RBFOX1: variants seen among roughly 807,000 people sequenced by gnomAD.
RBFOX1 encodes the protein RNA binding fox-1 homolog 1, also known as RNA binding protein fox-1 homolog 1.
RBFOX1 carries 8 observed loss-of-function variants against 57.7 expected under a neutral mutation model. The observed-to-expected ratio is 0.14, with a 90% confidence interval of 0.08 to 0.25. The LOEUF (loss-of-function observed/expected upper bound fraction) is 0.25. Ranked by LOEUF, RBFOX1 falls within the 10% of genes least tolerant of loss-of-function variation. RBFOX1 has a pLI of 1.00. For synonymous variants in RBFOX1, 326 were observed against 222.4 expected (o/e 1.47, Z -4.15); for missense variants, 611 against 548.5 (o/e 1.11, Z -1.14).
intron 2 of RBFOX1, among the ~76,000 whole-genome samples, chr16:6,612,529 C>G (rs953350722): frequency 1.3e-5 from 2 of 152,126 alleles, no homozygotes; most frequent in Non-Finnish European, 2.9e-5. Context: ...TGCCATGAGG[C>G]TAGAGCCATT....
At chr16:7,368,125 G>A (rs546632695) in intron 4 of RBFOX1, among the ~76,000 whole-genome samples, 11 of 152,132 alleles carry the variant, frequency 7.2e-5, no homozygotes, top group Non-Finnish European at 1.0e-4. Context: ...AAATTAGGTG[G>A]ACATGGTGGC....
At chr16:7,444,228 G>A (rs556269031) in intron 4 of RBFOX1, among the ~76,000 whole-genome samples, 1 of 152,324 alleles carries the variant, frequency 6.6e-6, no homozygotes, top group East Asian at 1.9e-4. Context: ...GCTTACATGT[G>A]TAGTTATCTA....
chr16:6,940,735 C>G (rs936665745), intron 3 of RBFOX1, among the ~76,000 whole-genome samples: 43 of 150,324 alleles, frequency 2.9e-4, no homozygotes, highest in African/African-American at 9.3e-4. Context: ...GTAGCTGGGA[C>G]TACAGGCGCC....
chr16:6,100,713 G>A (rs1327680904), intron 1 of RBFOX1, among the ~76,000 whole-genome samples: 1 of 152,106 alleles, frequency 6.6e-6, no homozygotes, highest in Non-Finnish European at 1.5e-5. Flanking sequence ...TATTGTTTCT[G>A]TGTTTTAAAA....
At chr16:7,141,409 T>G (rs1600766547) in intron 4 of RBFOX1, among the ~76,000 whole-genome samples, 1 of 152,308 alleles carries the variant, frequency 6.6e-6, no homozygotes, top group Admixed American at 6.5e-5. Context: ...GGGCGGCAGC[T>G]AGAAGACCTT....
At chr16:6,937,550 G>A (rs976543941) in intron 3 of RBFOX1, among the ~76,000 whole-genome samples, 3 of 152,110 alleles carry the variant, frequency 2.0e-5, no homozygotes, top group Admixed American at 2.0e-4. Context: ...TAGTGGTCAA[G>A]GCACAGCCTA....
intron 1 of RBFOX1, among the ~76,000 whole-genome samples, chr16:5,356,324 G>A (rs561898293): frequency 2.0e-5 from 3 of 152,316 alleles, no homozygotes; most frequent in Admixed American, 1.3e-4. Flanking sequence ...ACTGTGAGCC[G>A]ATACATTTCT....
At chr16:6,258,948 A>G (rs2097685369) in intron 1 of RBFOX1, among the ~76,000 whole-genome samples, 1 of 152,252 alleles carries the variant, frequency 6.6e-6, no homozygotes, top group African/African-American at 2.4e-5. Flanking sequence ...TGAAGAAATG[A>G]ATCAATGCAA....
intron 4 of RBFOX1, among the ~76,000 whole-genome samples, chr16:5,942,995 C>G (rs550632110): frequency 3.1e-4 from 47 of 152,308 alleles, no homozygotes; most frequent in African/African-American, 1.1e-3. Context: ...CAAGCACCCC[C>G]CAAGGGGTCT....
intron 3 of RBFOX1, among the ~76,000 whole-genome samples, chr16:6,900,441 C>T (rs766212699): frequency 3.3e-5 from 5 of 152,212 alleles, no homozygotes; most frequent in Non-Finnish European, 2.9e-5. Flanking sequence ...TGCTCTCCCA[C>T]TTAAAACTGT....
chr16:6,733,661 G>A (rs1327167550), intron 3 of RBFOX1, among the ~76,000 whole-genome samples: 1 of 152,176 alleles, frequency 6.6e-6, no homozygotes, highest in African/African-American at 2.4e-5. Context: ...AGGAGGCTGA[G>A]ATGGGCAGGT....
chr16:6,198,281 T>A (rs1006389139), intron 1 of RBFOX1, among the ~76,000 whole-genome samples: 1 of 152,070 alleles, frequency 6.6e-6, no homozygotes, highest in Non-Finnish European at 1.5e-5. Context: ...AAAAGCTAAT[T>A]TGAGTAGATA....
At chr16:5,999,506 A>G (rs1481385813) in intron 4 of RBFOX1, among the ~76,000 whole-genome samples, 1 of 152,198 alleles carries the variant, frequency 6.6e-6, no homozygotes, top group Non-Finnish European at 1.5e-5. Flanking sequence ...TTACATGCTA[A>G]GGCTTTATAA....
intron 4 of RBFOX1, among the ~76,000 whole-genome samples, chr16:7,179,721 C>G (rs537403940): frequency 6.6e-6 from 1 of 151,618 alleles, no homozygotes; most frequent in East Asian, 1.9e-4. Context: ...AAGAAATTCA[C>G]CATCTTCCCA....
intron 3 of RBFOX1, among the ~76,000 whole-genome samples, chr16:5,630,614 G>A (rs1596514835): frequency 6.6e-6 from 1 of 152,132 alleles, no homozygotes; most frequent in Admixed American, 6.5e-5. Context: ...TGATGGAAAG[G>A]ACTGAAGTTT....
At chr16:5,599,320 C>T (rs760379179) in exon 3 of RBFOX1, 19 of 619,328 alleles carry the variant, frequency 3.1e-5, no homozygotes, top group Admixed American at 1.3e-4. Context: ...TGAAAGAAGT[C>T]GAATGTCATT....
intron 3 of RBFOX1, among the ~76,000 whole-genome samples, chr16:5,836,701 G>A (rs1309518333): frequency 6.6e-6 from 1 of 152,144 alleles, no homozygotes; most frequent in African/African-American, 2.4e-5. Context: ...TGTGTTGTAG[G>A]ATGTTCAGCA....
chr16:5,744,699 G>C (rs189244046), intron 3 of RBFOX1, among the ~76,000 whole-genome samples: 96 of 152,292 alleles, frequency 6.3e-4, no homozygotes, highest in Admixed American at 2.3e-3. Context: ...ACCTGAATCA[G>C]CCTTGGAAAA....
At chr16:7,098,424 C>A (rs1249709228) in intron 4 of RBFOX1, among the ~76,000 whole-genome samples, 1 of 152,166 alleles carries the variant, frequency 6.6e-6, no homozygotes, top group Non-Finnish European at 1.5e-5. Flanking sequence ...CCTGCCTAGG[C>A]CTCCCAAAGT....
Sources: gnomAD v4.1 joint callset for allele counts (sites outside exome capture counted in the v4.1 genomes callset) on GRCh38, gnomAD v4.1.1 for gene constraint, MANE v1.5 for transcripts, NCBI Gene and HGNC (gene_info 2026-07-23, HGNC 2026-07-21) for gene names.